The following FHIT variants were observed in gnomAD, a reference collection of about 807,000 sequenced individuals.
FHIT encodes fragile histidine triad diadenosine triphosphatase, also known as bis(5'-adenosyl)-triphosphatase.
Under a neutral mutation model 17.9 loss-of-function variants are expected in FHIT, and 19 were observed. That is an observed-to-expected ratio of 1.06 (90% CI 0.74 to 1.56). FHIT has a LOEUF of 1.56. Ranked by LOEUF, FHIT falls within the 40% of genes most tolerant of loss-of-function variation. The pLI, the probability that FHIT is intolerant of heterozygous loss-of-function variation, is 0.00. For missense variants in FHIT, 248 were observed against 189.2 expected, an observed-to-expected ratio of 1.31 and a Z score of -1.82; for synonymous variants, 81 against 69.7, an observed-to-expected ratio of 1.16 and a Z score of -0.81.
At chr3:60,504,521 A>T (rs2034651440) in intron 5 of FHIT, among the ~76,000 whole-genome samples, 1 of 152,180 alleles carries the variant, frequency 6.6e-6, no homozygotes, top group Admixed American at 6.5e-5. Context: ...GTTTCACATC[A>T]CAGTAATTTG....
intron 5 of FHIT, among the ~76,000 whole-genome samples, chr3:60,357,262 C>A (rs761434383): frequency 7.2e-5 from 11 of 152,096 alleles, no homozygotes; most frequent in Non-Finnish European, 1.3e-4. Context: ...GGCTGGTATG[C>A]AGTGGCATAA....
At chr3:60,759,769 C>A (rs1269228743) in intron 4 of FHIT, among the ~76,000 whole-genome samples, 9 of 152,118 alleles carry the variant, frequency 5.9e-5, no homozygotes, top group African/African-American at 2.2e-4. Context: ...CATGGATGAC[C>A]CAGACAAGTG....
chr3:60,989,239 T>G (rs771155257), intron 3 of FHIT, among the ~76,000 whole-genome samples: 5 of 152,168 alleles, frequency 3.3e-5, no homozygotes, highest in Non-Finnish European at 7.3e-5. Context: ...AGCCTCAGCC[T>G]CCTTGGATCA....
chr3:60,546,714 A>G (rs1421288592), intron 4 of FHIT, among the ~76,000 whole-genome samples: 4 of 152,136 alleles, frequency 2.6e-5, no homozygotes, highest in African/African-American at 4.8e-5. Flanking sequence ...TTGAGTGGAT[A>G]AAGAGTCTCA....
At chr3:60,036,275 C>A (rs763684904) in intron 5 of FHIT, among the ~76,000 whole-genome samples, 11 of 152,204 alleles carry the variant, frequency 7.2e-5, no homozygotes, top group Non-Finnish European at 1.6e-4. Context: ...GATTCCACCT[C>A]CTCCTAAAAG....
At chr3:60,366,523 C>T (rs913539162) in intron 5 of FHIT, among the ~76,000 whole-genome samples, 1 of 152,182 alleles carries the variant, frequency 6.6e-6, no homozygotes, top group African/African-American at 2.4e-5. Flanking sequence ...GAGGTGGGAC[C>T]TCTAACAGTG....
rs762280620 is a variant in FHIT, at chr3:59,951,668, A to C, written c.280-29254T>G. ...ACTCTTTCTTGCTCACACCATACCT[A>C]AGTTCCAAATAGAACTTTAGGGCAT... On this transcript the variant is annotated intron_variant, in intron 7 of 9. Transcript: ENST00000492590. Among the ~76,000 whole-genome samples the C allele has an allele frequency of 2.0e-5, 3 of 151,708 alleles. 1 individual carries two copies. In the South Asian group the frequency reaches 6.3e-4, roughly 32 times the overall value.
At position 59,748,106 on chromosome 3, in the gene FHIT, C is replaced by G. The variant is rs1700700775; in HGVS notation, c.*1479G>C. 6.6e-6 allele frequency among the ~76,000 whole-genome samples: 1 copy of G among 152,132 alleles called. No individual in the cohort carries two copies. On this transcript the variant is annotated 3_prime_UTR_variant, in exon 10 of 10. Coordinates refer to ENST00000492590, the MANE Select transcript of FHIT (RefSeq NM_002012.4). ...CACTCCTAGTTGCTAAGGCAAGCAA[C>G]TATGCAGAGCTGGAAATCATCAGCA... is the stretch of plus-strand genomic sequence containing the variant.
At chr3:60,441,664 A>G (rs1208534349) in intron 5 of FHIT, among the ~76,000 whole-genome samples, 1 of 144,818 alleles carries the variant, frequency 6.9e-6, no homozygotes, top group African/African-American at 2.5e-5. Flanking sequence ...AGGCCAATAC[A>G]TTCTTGAAGA....
At chr3:60,498,108 C>A (rs1033019683) in intron 5 of FHIT, among the ~76,000 whole-genome samples, 2 of 152,104 alleles carry the variant, frequency 1.3e-5, no homozygotes, top group Non-Finnish European at 2.9e-5. Context: ...GTTACAGAAA[C>A]AGGCAGGGAG....
At chr3:61,156,231 A>C (rs1351467917) in intron 2 of FHIT, among the ~76,000 whole-genome samples, 1 of 152,182 alleles carries the variant, frequency 6.6e-6, no homozygotes, top group Non-Finnish European at 1.5e-5. Context: ...CTGCAAGTAC[A>C]ACTATATGTT....
chr3:60,349,338 C>T lies in FHIT; in HGVS notation c.103+187522G>A, dbSNP rs148200986. ...AGATTCCATGATTTCAAGCTGTTTA[C>T]GGATTTTGTGAGAAGGACAGACACA... is the stretch of plus-strand genomic sequence containing the variant. On this transcript the variant is annotated intron_variant, in intron 5 of 9. Coordinates refer to ENST00000492590, the MANE Select transcript of FHIT (RefSeq NM_002012.4). Among the ~76,000 whole-genome samples, 888 of 152,100 alleles carry T rather than the reference C, an allele frequency of 5.8e-3. 10 individuals are homozygous for T. The highest frequency in any genetic ancestry group is 0.048 in the Middle Eastern group (14 of 294).
At chr3:59,999,385 G>A (rs1314574980) in intron 7 of FHIT, among the ~76,000 whole-genome samples, 3 of 152,122 alleles carry the variant, frequency 2.0e-5, no homozygotes, top group African/African-American at 4.8e-5. Context: ...GGAACCTATT[G>A]GAAGTTAAGC....
chr3:61,154,756 T>G (rs2037487855), intron 2 of FHIT, among the ~76,000 whole-genome samples: 1 of 152,218 alleles, frequency 6.6e-6, no homozygotes, highest in Non-Finnish European at 1.5e-5. Flanking sequence ...TGACTCTCCC[T>G]TGAGGTGGAA....
chr3:60,818,924 T>C (rs1416831116), intron 4 of FHIT, among the ~76,000 whole-genome samples: 1 of 152,182 alleles, frequency 6.6e-6, no homozygotes, highest in African/African-American at 2.4e-5. Flanking sequence ...AAACTCACTC[T>C]GGACCGATCT....
At chr3:60,084,202 T>A (rs1703405552) in intron 5 of FHIT, among the ~76,000 whole-genome samples, 1 of 152,180 alleles carries the variant, frequency 6.6e-6, no homozygotes. Flanking sequence ...GAAGAAAAGA[T>A]TACTCTGATT....
intron 2 of FHIT, among the ~76,000 whole-genome samples, chr3:61,128,854 C>G (rs947199882): frequency 6.6e-6 from 1 of 151,950 alleles, no homozygotes; most frequent in Non-Finnish European, 1.5e-5. Flanking sequence ...CTCTCCAATG[C>G]TCAACTCGAA....
chr3:60,474,717 G>A (rs1446823640), intron 5 of FHIT, among the ~76,000 whole-genome samples: 8 of 151,480 alleles, frequency 5.3e-5, no homozygotes, highest in South Asian at 2.1e-4. Flanking sequence ...TCTGCCTCCC[G>A]GGTTCAAGAG....
At chr3:60,326,904 G>A (rs539274719) in intron 5 of FHIT, among the ~76,000 whole-genome samples, 3 of 152,206 alleles carry the variant, frequency 2.0e-5, no homozygotes, top group East Asian at 1.9e-4. Context: ...CACAGTAATC[G>A]AAAAATAACA....
Sources: gnomAD v4.1 joint callset for allele counts (sites outside exome capture counted in the v4.1 genomes callset) on GRCh38, gnomAD v4.1.1 for gene constraint, MANE v1.5 for transcripts, NCBI Gene and HGNC (gene_info 2026-07-23, HGNC 2026-07-21) for gene names.